Variants in CTPS2 observed in about 807,000 individuals in gnomAD.
CTPS2 encodes the protein CTP synthase II.
Under a neutral mutation model 46.8 loss-of-function variants are expected in CTPS2, and 19 were observed. The observed-to-expected ratio is 0.41, with a 90% confidence interval of 0.28 to 0.60. The LOEUF is 0.60. CTPS2 is among the 20% of genes least tolerant of loss of function. CTPS2 has a pLI of 0.35. For synonymous variants in CTPS2, 151 were observed against 165.2 expected, an observed-to-expected ratio of 0.91 and a Z score of 0.66; for missense variants, 286 against 447.6, an observed-to-expected ratio of 0.64 and a Z score of 3.26.
chrX:16,644,878 C>T (rs991962884), intron 13 of CTPS2, among the ~76,000 whole-genome samples: 6 of 112,998 alleles, frequency 5.3e-5, no homozygotes, highest in Non-Finnish European at 9.4e-5. Context: ...AGTGTAGGCT[C>T]ATCAAGCACA....
rs753168199 is a variant in CTPS2, at chrX:16,690,747, T to A, written c.720+793A>T. ...GGAAAGAAAAAAGAAAAGCGAATTA[T>A]CAGAATACCAAGGTGGAAAGCCCTA... On this transcript the variant is annotated intron_variant, in intron 7 of 18. Transcript: ENST00000359276. Among the ~76,000 whole-genome samples, 4 of 111,806 alleles carry A rather than the reference T, an allele frequency of 3.6e-5. No homozygotes were observed. In the East Asian group the frequency reaches 1.1e-3, roughly 31 times the overall value.
chrX:16,668,512 G>C (rs1382016772), intron 11 of CTPS2, among the ~76,000 whole-genome samples: 1 of 107,900 alleles, frequency 9.3e-6, no homozygotes, highest in African/African-American at 3.4e-5. Flanking sequence ...GTGAACCTGG[G>C]AGGCAGAGCT....
At chrX:16,595,973 A>G (rs899826542) in intron 17 of CTPS2, among the ~76,000 whole-genome samples, 1 of 111,812 alleles carries the variant, frequency 8.9e-6, no homozygotes, top group Non-Finnish European at 1.9e-5. Context: ...GGCTCAAGAG[A>G]TCCTCCCACC....
At position 16,692,278 on chromosome X, in the gene CTPS2, AC is replaced by A. The variant is rs760860470; in HGVS notation, c.640-659del. On this transcript the variant is annotated intron_variant, in intron 6 of 18. Coordinates refer to ENST00000359276, the MANE Select transcript of CTPS2 (RefSeq NM_175859.3). ...AGTAACATAGCAAAACCCTGTCTCT[AC>A]AAACACACACACACACACACACACA... Among the ~76,000 whole-genome samples, 138 of 106,014 alleles carry A rather than the reference AC, an allele frequency of 1.3e-3. 1 individual carries two copies. Among genetic ancestry groups the A allele is most frequent in the African/African-American group, 2.7e-3 (75 of 28,022 alleles). 92.1% of individuals were successfully genotyped at this position (106,014 alleles called of 115,157 possible). A position where few individuals can be genotyped will look rare whatever the true frequency, so the allele number is the denominator to read the frequency against.
Position 16,667,737 on chromosome X carries a change from G to T in CTPS2, c.1190-13C>A. ...CCAAGACAAACTCCTATTTTAAAAA[G>T]CACATATGCAAAGCAAATGAACTCA... On this transcript the variant is annotated splice_polypyrimidine_tract_variant and intron_variant, in intron 11 of 18. Coordinates refer to ENST00000359276, the MANE Select transcript of CTPS2 (RefSeq NM_175859.3). 8.4e-7 allele frequency: 1 copy of T among 1,195,784 alleles called. No individual in the cohort carries two copies. Among genetic ancestry groups the T allele is most frequent in the Non-Finnish European group, 1.1e-6 (1 of 883,251 alleles).
rs374160076 is a variant in CTPS2, at chrX:16,620,273, G to T, written c.1449+4C>A. The T allele has an allele frequency of 7.5e-6, 9 of 1,192,474 alleles. No individual in the cohort carries two copies. In the Admixed American group the frequency reaches 2.0e-4, roughly 26 times the overall value. On this transcript the variant is annotated splice_donor_region_variant and intron_variant, in intron 15 of 18. Transcript: ENST00000359276. ...TCCCCAGTAATTCAGCATGAAAGCC[G>T]TACCTCGAACCGATGTCTGTGTCTT... is the stretch of plus-strand genomic sequence containing the variant.
intron 14 of CTPS2, among the ~76,000 whole-genome samples, chrX:16,638,304 A>T (rs973182440): frequency 9.2e-6 from 1 of 109,105 alleles, no homozygotes; most frequent in East Asian, 2.9e-4. Flanking sequence ...ATTCTAAGGG[A>T]TTCTTATAAT....
intron 9 of CTPS2, among the ~76,000 whole-genome samples, chrX:16,680,289 T>A (rs1922628269): frequency 8.9e-6 from 1 of 111,786 alleles, no homozygotes; most frequent in South Asian, 3.7e-4. Context: ...CCAAGCACAG[T>A]GGCTCACGTC....
At chrX:16,652,447 TC>T (rs1932689554) in intron 13 of CTPS2, among the ~76,000 whole-genome samples, 1 of 112,280 alleles carries the variant, frequency 8.9e-6, no homozygotes, top group Non-Finnish European at 1.9e-5. Context: ...TCTGATATTT[TC>T]TCATTTTCTC....
chrX:16,664,576 T>C (rs1921011685), intron 13 of CTPS2, among the ~76,000 whole-genome samples: 1 of 111,378 alleles, frequency 9.0e-6, no homozygotes, highest in Non-Finnish European at 1.9e-5. Flanking sequence ...GGGAAGTGGA[T>C]GACAAAGACA....
intron 1 of CTPS2, among the ~76,000 whole-genome samples, chrX:16,710,966 CA>C (rs1925424483): frequency 8.9e-6 from 1 of 112,095 alleles, no homozygotes; most frequent in Non-Finnish European, 1.9e-5. Flanking sequence ...TTCAAAGGTT[CA>C]GGGAAAGGCT....
At chrX:16,622,797 G>A (rs1375992724) in intron 14 of CTPS2, among the ~76,000 whole-genome samples, 4 of 111,762 alleles carry the variant, frequency 3.6e-5, no homozygotes, top group African/African-American at 1.3e-4. Flanking sequence ...GGGGAGTGTA[G>A]TGACTCTGAA....
intron 17 of CTPS2, among the ~76,000 whole-genome samples, chrX:16,595,601 A>C (rs1929197522): frequency 9.0e-6 from 1 of 111,631 alleles, no homozygotes; most frequent in Admixed American, 9.5e-5. Context: ...GCACTGTCCA[A>C]TATGGTAGCC....
intron 1 of CTPS2, among the ~76,000 whole-genome samples, chrX:16,709,620 G>T (rs112867674): frequency 0.025 from 2,694 of 109,540 alleles, 87 homozygotes; most frequent in African/African-American, 0.084. Flanking sequence ...GGAGGCCAAG[G>T]CGGGCGGATC....
intron 10 of CTPS2, among the ~76,000 whole-genome samples, chrX:16,675,579 T>C (rs1362026061): frequency 8.9e-6 from 1 of 112,324 alleles, no homozygotes; most frequent in African/African-American, 3.2e-5. Flanking sequence ...TTATTAATAA[T>C]TATCATTGTT....
At chrX:16,611,601 A>T (rs1201312240) in intron 16 of CTPS2, among the ~76,000 whole-genome samples, 1 of 111,461 alleles carries the variant, frequency 9.0e-6, no homozygotes, top group East Asian at 2.8e-4. Context: ...ATTAACATTA[A>T]TTCAGCATTT....
At chrX:16,654,551 G>T (rs751032045) in intron 13 of CTPS2, 1 of 826,511 alleles carries the variant, frequency 1.2e-6, no homozygotes, top group Non-Finnish European at 1.8e-6. Flanking sequence ...GAGGAAGAGC[G>T]CCTGTGCTGT....
intron 17 of CTPS2, among the ~76,000 whole-genome samples, chrX:16,598,470 A>G (rs1456161447): frequency 8.9e-6 from 1 of 112,054 alleles, no homozygotes; most frequent in Non-Finnish European, 1.9e-5. Context: ...GAAATGGATA[A>G]ATTCCTCGAC....
chrX:16,666,770 C>T (rs1045344102), intron 13 of CTPS2, among the ~76,000 whole-genome samples: 2 of 111,726 alleles, frequency 1.8e-5, no homozygotes, highest in Non-Finnish European at 3.8e-5. Context: ...GAATCCTGGA[C>T]TGAATATTTT....
Sources: allele counts gnomAD v4.1 joint callset (sites outside exome capture counted in the v4.1 genomes callset), GRCh38; gene constraint gnomAD v4.1.1; transcripts MANE v1.5; gene names NCBI Gene and HGNC (gene_info 2026-07-23, HGNC 2026-07-21).